Variants in LRIG3 observed in about 807,000 individuals in gnomAD.
The protein encoded by LRIG3 is leucine rich repeats and immunoglobulin like domains 3.
LRIG3 carries 76 observed loss-of-function variants against 114.5 expected under a neutral mutation model. That is an observed-to-expected ratio of 0.66 (90% CI 0.55 to 0.80). The LOEUF (loss-of-function observed/expected upper bound fraction) is 0.80, where lower values mean the gene tolerates loss of function less well. Ranked by LOEUF, LRIG3 falls within the 30% of genes least tolerant of loss-of-function variation. The probability of loss-of-function intolerance (pLI) is 0.00; values close to 1 mark genes in which losing one functional copy is unlikely to be tolerated. For missense variants in LRIG3, 1,239 were observed against 1,382.8 expected (o/e 0.90, Z 1.65); for synonymous variants, 512 against 519.8 (o/e 0.98, Z 0.20).
At chr12:58,877,005 C>T (rs1870945090) in intron 15 of LRIG3, among the ~76,000 whole-genome samples, 1 of 152,194 alleles carries the variant, frequency 6.6e-6, no homozygotes, top group Admixed American at 6.5e-5. Context: ...GTCACAGCTC[C>T]TCTTCCACTA....
At chr12:58,877,305 T>C (rs1870954515) in intron 15 of LRIG3, 95 bp downstream of exon 15, 1 of 1,270,992 alleles carries the variant, frequency 7.9e-7, no homozygotes, top group Non-Finnish European at 1.1e-6. Context: ...CCTTCTGAGA[T>C]GAACTCAGAC....
rs1195040685 is a variant in LRIG3 at position 58,887,984 on chromosome 12, A to G, written c.948-52T>C. 7 of 1,551,372 alleles carry G rather than the reference A, an allele frequency of 4.5e-6. No homozygotes were observed. In the East Asian group the frequency reaches 6.8e-5, roughly 15 times the overall value. On this transcript the variant is annotated intron_variant, in intron 7 of 18. Coordinates refer to ENST00000320743, the MANE Select transcript of LRIG3 (RefSeq NM_153377.5). ...AGCTTTTATTTTTCAATTCAACACA[A>G]TGATTTGTTTTCCAAAAGACAGGTA...
Position 58,914,037 on chromosome 12 carries a change from A to G in LRIG3, c.328T>C (p.Leu110=). ...LREVKLNNNE[L]ETIPNLGPVS... ...GGTCCCAGATTTGGAATGGTCTCCAATTCATTGTTGTTCAGTTTCCTACAA... is the reference window on the plus strand; with the variant it reads ...GGTCCCAGATTTGGAATGGTCTCCAGTTCATTGTTGTTCAGTTTCCTACAA... The change falls in exon 3 of 19, where the codon TTG becomes CTG. Residue 110 remains leucine (L), a synonymous_variant. Transcript: ENST00000320743. The G allele has an allele frequency of 6.2e-7, 1 of 1,611,258 alleles. No individual in the cohort carries two copies. The highest frequency in any genetic ancestry group is 8.5e-7 in the Non-Finnish European group (1 of 1,179,420).
At chr12:58,918,076 A>C (rs548821672) in intron 1 of LRIG3, among the ~76,000 whole-genome samples, 1 of 152,366 alleles carries the variant, frequency 6.6e-6, no homozygotes, top group South Asian at 2.1e-4. Flanking sequence ...AAGATGGTTA[A>C]AAGTCACAGA....
chr12:58,872,723 T>C lies in LRIG3; in HGVS notation c.3209A>G (p.Lys1070Arg). The C allele has an allele frequency of 6.2e-7, 1 of 1,614,126 alleles. No individual in the cohort carries two copies. Among genetic ancestry groups the C allele is most frequent in the South Asian group, 1.1e-5 (1 of 91,080 alleles). The stretch of plus-strand genomic sequence containing the variant: ...GTCCAAGTCTGGGGAAGAATGAGCT[T>C]TCAAATAAAAGGCTCTTGGCTGACA... Reference protein sequence around the residue: ...SDCQPRAFYLKAHSSPDLDSG... With the variant: ...SDCQPRAFYLRAHSSPDLDSG... The change falls in exon 19 of 19, where the codon AAA becomes AGA. Residue 1070 changes from lysine (K) to arginine (R), a missense_variant. Physicochemically the swap from Lys to Arg is conservative, Grantham distance 26. Transcript: ENST00000320743.
At chr12:58,903,559 CTTTAG>C (rs1342276956) in intron 3 of LRIG3, among the ~76,000 whole-genome samples, 1 of 151,922 alleles carries the variant, frequency 6.6e-6, no homozygotes, top group Non-Finnish European at 1.5e-5. Context: ...TGCAGAAGCT[CTTTAG>C]TTTAATTAGA....
intron 18 of LRIG3, 91 bp from the exon 19 acceptor site, chr12:58,872,907 A>G: frequency 2.0e-6 from 3 of 1,491,368 alleles, no homozygotes; most frequent in Non-Finnish European, 2.7e-6. Flanking sequence ...ATCTTACCCC[A>G]TGAATATGAG....
intron 3 of LRIG3, among the ~76,000 whole-genome samples, chr12:58,894,883 G>A (rs1336296553): frequency 2.0e-5 from 3 of 152,132 alleles, no homozygotes; most frequent in African/African-American, 7.2e-5. Context: ...GATAGTACAG[G>A]GAGTTCCATG....
In LRIG3 at chr12:58,874,334, T is replaced by G; in HGVS notation, c.2840-4A>C. 6.2e-7 allele frequency: 1 copy of G among 1,606,972 alleles called. No homozygotes were observed. Among genetic ancestry groups the G allele is most frequent in the Non-Finnish European group, 8.5e-7 (1 of 1,176,868 alleles). ...GTTCTTGGGTCAGGACTGCAACCTTTTTAATATGGGGGCAGTAACAGAAGG... is the reference window on the plus strand; with the variant it reads ...GTTCTTGGGTCAGGACTGCAACCTTGTTAATATGGGGGCAGTAACAGAAGG... On this transcript the variant is annotated splice_region_variant and splice_polypyrimidine_tract_variant and intron_variant, in intron 17 of 18. Transcript: ENST00000320743.
chr12:58,880,602 T>C lies in LRIG3; in HGVS notation c.1780A>G (p.Lys594Glu). 2 of 1,612,730 alleles carry C rather than the reference T, an allele frequency of 1.2e-6. No individual in the cohort carries two copies. Among genetic ancestry groups the C allele is most frequent in the South Asian group, 2.2e-5 (2 of 91,052 alleles). ...SNHFGSSYSV[K>E]AKLTVNMLPS... The stretch of plus-strand genomic sequence containing the variant: ...ATACTATTTACTGTAAGCTTGGCTT[T>C]GACAGAGTAGGATGAACCAAAGTGA... The change falls in exon 13 of 19, where the codon AAA (lysine) becomes GAA (glutamate). Residue 594 changes from lysine to glutamate, a missense_variant. By Grantham distance (56) the Lys-to-Glu change is moderately conservative. Coordinates refer to ENST00000320743, the MANE Select transcript of LRIG3 (RefSeq NM_153377.5).
At chr12:58,897,370 T>G (rs569841818) in intron 3 of LRIG3, among the ~76,000 whole-genome samples, 1 of 152,290 alleles carries the variant, frequency 6.6e-6, no homozygotes, top group East Asian at 1.9e-4. Context: ...AAGATGGCCA[T>G]GTATTAATAT....
chr12:58,896,796 C>T (rs1342138448), intron 3 of LRIG3, among the ~76,000 whole-genome samples: 5 of 152,160 alleles, frequency 3.3e-5, no homozygotes, highest in Non-Finnish European at 1.5e-5. Context: ...AAACAACCAT[C>T]GAGCAAGCAG....
intron 3 of LRIG3, among the ~76,000 whole-genome samples, chr12:58,911,229 G>A (rs910529808): frequency 6.6e-6 from 1 of 152,124 alleles, no homozygotes; most frequent in Non-Finnish European, 1.5e-5. Context: ...CTGATATTAT[G>A]AGAATAGGTC....
chr12:58,916,356 A>T (rs79999693), intron 1 of LRIG3, among the ~76,000 whole-genome samples: 12,167 of 152,200 alleles, frequency 0.08, 606 homozygotes, highest in Admixed American at 0.17. Flanking sequence ...AAACTACATT[A>T]TATGTAGGAG....
intron 3 of LRIG3, among the ~76,000 whole-genome samples, chr12:58,891,030 C>T (rs772842488): frequency 1.3e-5 from 2 of 152,032 alleles, no homozygotes; most frequent in East Asian, 1.9e-4. Context: ...TTCTGTTTAG[C>T]AGCTGTGGCT....
At chr12:58,878,260 G>A (rs1870996886) in intron 14 of LRIG3, among the ~76,000 whole-genome samples, 1 of 151,840 alleles carries the variant, frequency 6.6e-6, no homozygotes, top group Non-Finnish European at 1.5e-5. Context: ...CGGATGCCTG[G>A]GCCTATATTA....
At chr12:58,917,033 T>C (rs971104338) in intron 1 of LRIG3, among the ~76,000 whole-genome samples, 11 of 152,184 alleles carry the variant, frequency 7.2e-5, no homozygotes, top group South Asian at 6.2e-4. Context: ...TTTAAGACAC[T>C]GATCCAAAGT....
chr12:58,876,454 C>T lies in LRIG3; in HGVS notation c.2686G>A (p.Asp896Asn), dbSNP rs1185206674. 3.1e-6 allele frequency: 5 copies of T among 1,613,942 alleles called. No homozygotes were observed. The highest frequency in any genetic ancestry group is 4.2e-6 in the Non-Finnish European group (5 of 1,179,962). ...SGAGFFLPQHDSSGTCHIDNS... is the reference protein window; with the variant it reads ...SGAGFFLPQHNSSGTCHIDNS... The stretch of plus-strand genomic sequence containing the variant: ...CATTTTAAACACTTACCACTACTGT[C>T]ATGTTGTGGTAAGAAAAATCCAGCA... The change falls in exon 16 of 19, where the codon GAC becomes AAC. Residue 896 changes from aspartate to asparagine, a missense_variant. Coordinates refer to ENST00000320743, the MANE Select transcript of LRIG3 (RefSeq NM_153377.5).
chr12:58,906,432 A>G (rs1430762911), intron 3 of LRIG3, among the ~76,000 whole-genome samples: 2 of 152,180 alleles, frequency 1.3e-5, no homozygotes, highest in Non-Finnish European at 2.9e-5. Context: ...TTATATGTTG[A>G]GTTTGATGAA....
Sources: allele counts gnomAD v4.1 joint callset (sites outside exome capture counted in the v4.1 genomes callset), GRCh38; gene constraint gnomAD v4.1.1; transcripts MANE v1.5; gene names NCBI Gene and HGNC (gene_info 2026-07-23, HGNC 2026-07-21).